The following TET3 variants were observed in gnomAD, a reference collection of about 807,000 sequenced individuals.
TET3 encodes methylcytosine dioxygenase TET3.
TET3 carries 19 observed loss-of-function variants against 141.4 expected under a neutral mutation model. The observed-to-expected ratio is 0.13, with a 90% CI of 0.09 to 0.20. The LOEUF is 0.20. TET3 is among the 10% of genes least tolerant of loss of function. The pLI is 1.00. For missense variants in TET3, 1,874 were observed against 2,356.9 expected (o/e 0.80, Z 4.24); for synonymous variants, 1,043 against 980.9 (o/e 1.06, Z -1.18).
At chr2:74,071,690 G>T (rs1265148508) in intron 4 of TET3, among the ~76,000 whole-genome samples, 2 of 152,104 alleles carry the variant, frequency 1.3e-5, no homozygotes, top group Non-Finnish European at 2.9e-5. Context: ...CCCAATGTAG[G>T]TTACTCTATT....
the TET3 span, among the ~76,000 whole-genome samples, chr2:74,128,024 T>C: frequency 6.6e-6 from 1 of 152,180 alleles, no homozygotes; most frequent in Admixed American, 6.5e-5. Flanking sequence ...GTTATAAAGT[T>C]TTAGAGATAT....
intron 6 of TET3, among the ~76,000 whole-genome samples, chr2:74,084,397 C>T (rs1055687889): frequency 2.6e-5 from 4 of 151,876 alleles, no homozygotes; most frequent in Admixed American, 6.5e-5. Context: ...GGAGACCAAG[C>T]GGGCAGCTCA....
At chr2:73,995,805 A>T (rs1216193060) in intron 2 of TET3, among the ~76,000 whole-genome samples, 1 of 152,132 alleles carries the variant, frequency 6.6e-6, no homozygotes, top group Non-Finnish European at 1.5e-5. Context: ...AGCTGTCTGA[A>T]TTGGCAGCTC....
chr2:74,076,662 T>C (rs973862084), intron 5 of TET3, among the ~76,000 whole-genome samples: 3 of 151,894 alleles, frequency 2.0e-5, no homozygotes, highest in Non-Finnish European at 4.4e-5. Context: ...TTTTATCTTA[T>C]AGATATCTTC....
chr2:74,064,030 C>T (rs1190444517), intron 4 of TET3, among the ~76,000 whole-genome samples: 1 of 152,098 alleles, frequency 6.6e-6, no homozygotes, highest in Non-Finnish European at 1.5e-5. Flanking sequence ...ATAATTTTCC[C>T]CTTAATTACC....
intron 2 of TET3, among the ~76,000 whole-genome samples, chr2:73,997,009 G>A (rs1175023975): frequency 1.3e-5 from 2 of 152,238 alleles, no homozygotes; most frequent in African/African-American, 4.8e-5. Flanking sequence ...ACGAATTCTA[G>A]CTCTGTTGTG....
At chr2:74,130,045 A>G in the TET3 span, among the ~76,000 whole-genome samples, 1 of 149,412 alleles carries the variant, frequency 6.7e-6, no homozygotes, top group Non-Finnish European at 1.5e-5. Context: ...CAGTGAGCGG[A>G]GATTGTGCCA....
At chr2:74,029,094 C>T (rs1369223148) in intron 3 of TET3, among the ~76,000 whole-genome samples, 1 of 152,156 alleles carries the variant, frequency 6.6e-6, no homozygotes, top group African/African-American at 2.4e-5. Context: ...TACTGCTTCT[C>T]CTCCAATCTT....
chr2:74,096,052 A>G (rs1228200623), intron 10 of TET3, among the ~76,000 whole-genome samples: 5 of 152,178 alleles, frequency 3.3e-5, no homozygotes, highest in Non-Finnish European at 5.9e-5. Context: ...CTTTGCGACT[A>G]TCCTATTTAT....
intron 3 of TET3, among the ~76,000 whole-genome samples, chr2:74,032,489 G>GCGCGCGCGCGCGCGA (rs1558730157): frequency 6.6e-6 from 1 of 150,646 alleles, no homozygotes; most frequent in African/African-American, 2.5e-5. Flanking sequence ...GTGTGTGTGT[G>GCGCGCGCGCGCGCGA]TGTGTGTGTG....
rs929246462 is a variant in TET3, at chr2:74,046,255, T to A, written c.361-23T>A. 1 of 1,467,272 alleles carries A rather than the reference T, an allele frequency of 6.8e-7. No homozygotes were observed. Among genetic ancestry groups the A allele is most frequent in the Non-Finnish European group, 9.0e-7 (1 of 1,111,448 alleles). The allele number at this position is 1,467,272 out of a possible 1,614,324, so 90.9% of individuals were successfully genotyped here. A position where few individuals can be genotyped will look rare whatever the true frequency, so the allele number is the denominator to read the frequency against. ...ATAGTGTGGTTCATTTTTTTCCTTT[T>A]TCCCCCTTCTCTCTCTCTTTAGACA... On this transcript the variant is annotated intron_variant, in intron 3 of 11. Coordinates refer to ENST00000409262, the MANE Select transcript of TET3 (RefSeq NM_001287491.2). This position sits in a 1 kb window ranked among gnomAD's most constrained non-coding sequence, Gnocchi z 4.3.
At chr2:74,014,276 C>G (rs563218880) in intron 3 of TET3, among the ~76,000 whole-genome samples, 6 of 152,194 alleles carry the variant, frequency 3.9e-5, no homozygotes, top group Middle Eastern at 6.8e-3. Context: ...ATATGACTTT[C>G]ACCAAGTTCC....
chr2:74,053,100 A>T (rs911750103), intron 4 of TET3, among the ~76,000 whole-genome samples: 13 of 152,238 alleles, frequency 8.5e-5, no homozygotes, highest in African/African-American at 3.1e-4. Context: ...AAGTAAACTT[A>T]TAAGCTATGA....
chr2:74,006,679 T>A (rs2105167547), intron 3 of TET3, among the ~76,000 whole-genome samples: 1 of 152,240 alleles, frequency 6.6e-6, no homozygotes, highest in South Asian at 2.1e-4. Flanking sequence ...TTTGGCTGGA[T>A]GGGGGTGGGG....
chr2:73,991,467 C>T (rs1378637196), intron 2 of TET3, among the ~76,000 whole-genome samples: 1 of 151,962 alleles, frequency 6.6e-6, no homozygotes, highest in African/African-American at 2.4e-5. Flanking sequence ...CCTGTAATCC[C>T]AGCTCCTGAG....
At chr2:74,069,882 G>A (rs1003145945) in intron 4 of TET3, among the ~76,000 whole-genome samples, 4 of 152,078 alleles carry the variant, frequency 2.6e-5, no homozygotes, top group Non-Finnish European at 4.4e-5. Flanking sequence ...ACAGGTGTGA[G>A]CCACCGTGCC....
chr2:74,044,045 A>G (rs1413708007), intron 3 of TET3, among the ~76,000 whole-genome samples: 1 of 152,160 alleles, frequency 6.6e-6, no homozygotes, highest in Non-Finnish European at 1.5e-5. Context: ...TGGTACATGC[A>G]TCAAGTCCTA....
rs1404859864 is a variant in TET3 at position 74,002,593 on chromosome 2, G to T, written c.304-517G>T. On this transcript the variant is annotated intron_variant, in intron 2 of 11. Transcript: ENST00000409262. ...CCCTCGGCTGCGCCCCCGCCTCCCGGCTGGGCAGGTCCACCAGGCGGGGGC... is the reference window on the plus strand; with the variant it reads ...CCCTCGGCTGCGCCCCCGCCTCCCGTCTGGGCAGGTCCACCAGGCGGGGGC... 1.4e-4 allele frequency: 47 copies of T among 331,978 alleles called. No individual in the cohort carries two copies. The East Asian group carries it at 2.2e-3, about 16-fold the overall frequency. 20.6% of individuals were successfully genotyped at this position (331,978 alleles called of 1,614,324 possible).
At chr2:73,991,018 A>T (rs1161811435) in intron 2 of TET3, among the ~76,000 whole-genome samples, 1 of 152,014 alleles carries the variant, frequency 6.6e-6, no homozygotes, top group Non-Finnish European at 1.5e-5. Context: ...CATGTTGGCC[A>T]GGCTGGTGTT....
Sources: gnomAD v4.1 joint callset for allele counts (sites outside exome capture counted in the v4.1 genomes callset) on GRCh38, gnomAD v4.1.1 for gene constraint, Gnocchi (gnomAD v3.1) non-coding constraint, MANE v1.5 for transcripts, NCBI Gene and HGNC (gene_info 2026-07-23, HGNC 2026-07-21) for gene names.